CBLB: variants seen among roughly 807,000 people sequenced by gnomAD.
The protein encoded by CBLB is Cbl proto-oncogene B.
In CBLB, 31 loss-of-function variants were observed where a neutral mutation model predicts 104.9. The ratio of observed to expected loss-of-function variants is 0.30; its 90% CI spans 0.22 to 0.40. CBLB has a LOEUF of 0.40. Ranked by LOEUF, CBLB falls within the 10% of genes least tolerant of loss-of-function variation. CBLB has a pLI of 1.00. For missense variants in CBLB, 1,062 were observed against 1,214.6 expected (o/e 0.87, Z 1.87); for synonymous variants, 440 against 422.6 (o/e 1.04, Z -0.51).
chr3:105,859,467 C>T (rs2091910070), intron 2 of CBLB, among the ~76,000 whole-genome samples: 1 of 152,060 alleles, frequency 6.6e-6, no homozygotes, highest in Non-Finnish European at 1.5e-5. Flanking sequence ...TTGGCTAACA[C>T]GGTGAAACCC....
intron 4 of CBLB, among the ~76,000 whole-genome samples, chr3:105,768,951 T>C (rs2078534304): frequency 6.6e-6 from 1 of 152,198 alleles, no homozygotes; most frequent in South Asian, 2.1e-4. Context: ...TTATATATAA[T>C]GAAGTCATTG....
intron 10 of CBLB, among the ~76,000 whole-genome samples, chr3:105,706,416 T>A (rs2070145344): frequency 6.6e-6 from 1 of 152,160 alleles, no homozygotes; most frequent in East Asian, 1.9e-4. Flanking sequence ...ATAAAGAATC[T>A]CTATAGTCAC....
At chr3:105,822,434 C>G (rs1405673199) in intron 3 of CBLB, among the ~76,000 whole-genome samples, 1 of 152,082 alleles carries the variant, frequency 6.6e-6, no homozygotes, top group Non-Finnish European at 1.5e-5. Context: ...CTAACCGGTA[C>G]TCTCTATTTT....
rs2075526162 is a variant in CBLB, at chr3:105,741,178, A to ATGTAT, written c.846-548_846-547insATACA. On this transcript the variant is annotated intron_variant, in intron 6 of 18. Transcript: ENST00000394030. ...TTCGATATATTCCTTTGTAATTTAG[A>ATGTAT]CATTAAAATTAGTTTGTTTGTTTTT... 4.0e-5 allele frequency among the ~76,000 whole-genome samples: 5 copies of ATGTAT among 126,034 alleles called. No individual in the cohort carries two copies. In the South Asian group the frequency reaches 1.4e-3, roughly 34 times the overall value. 82.7% of individuals were successfully genotyped at this position (126,034 alleles called of 152,430 possible). A position where few individuals can be genotyped will look rare whatever the true frequency, so the allele number is the denominator to read the frequency against.
At chr3:105,686,990 T>A (rs1291762603) in intron 13 of CBLB, among the ~76,000 whole-genome samples, 2 of 152,134 alleles carry the variant, frequency 1.3e-5, no homozygotes, top group Non-Finnish European at 2.9e-5. Flanking sequence ...TGCAAAATGG[T>A]GATCTGATGG....
rs34208930 is a variant in CBLB at position 105,702,476 on chromosome 3, G to GAAAAAAAA, written c.1594-25_1594-18dup. ...AGGAGAAGACTAAAGAAACAGAAGA[G>GAAAAAAAA]AAAAAAAAAAAAAAAAAAAAAAACT... On this transcript the variant is annotated splice_polypyrimidine_tract_variant and intron_variant, in intron 11 of 18. Coordinates refer to ENST00000394030, the MANE Select transcript of CBLB (RefSeq NM_170662.5). 1,223 of 278,436 alleles carry GAAAAAAAA rather than the reference G, an allele frequency of 4.4e-3. 4 individuals are homozygous for GAAAAAAAA. Among genetic ancestry groups the GAAAAAAAA allele is most frequent in the South Asian group, 0.012 (274 of 22,166 alleles). The allele number at this position is 278,436 out of a possible 1,614,324, so 17.2% of individuals were successfully genotyped here.
chr3:105,836,164 C>T (rs573763051), intron 3 of CBLB, among the ~76,000 whole-genome samples: 1 of 152,332 alleles, frequency 6.6e-6, no homozygotes, highest in African/African-American at 2.4e-5. Context: ...GGTACCACTT[C>T]TCTTAAGAAA....
chr3:105,716,607 A>G (rs567625719), intron 10 of CBLB, among the ~76,000 whole-genome samples: 55 of 152,332 alleles, frequency 3.6e-4, no homozygotes, highest in Admixed American at 1.3e-3. Context: ...ATGAAATGCT[A>G]TAAAAGTCAC....
chr3:105,868,429 T>C (rs982067408), intron 1 of CBLB: 2 of 387,658 alleles, frequency 5.2e-6, no homozygotes, highest in Non-Finnish European at 9.0e-6. Context: ...GGACAAAGTG[T>C]CCCTCCCGTG....
At chr3:105,698,818 A>G (rs997969100) in intron 12 of CBLB, among the ~76,000 whole-genome samples, 1 of 151,958 alleles carries the variant, frequency 6.6e-6, no homozygotes, top group Non-Finnish European at 1.5e-5. Flanking sequence ...AAATCAAAAT[A>G]TCTCCCCTTT....
chr3:105,688,255 G>A (rs140839020), intron 13 of CBLB, among the ~76,000 whole-genome samples: 4 of 151,964 alleles, frequency 2.6e-5, no homozygotes, highest in Non-Finnish European at 5.9e-5. Context: ...TTACATTCCC[G>A]GAGTGTTCTG....
At chr3:105,773,910 G>A (rs2152958512) in intron 4 of CBLB, among the ~76,000 whole-genome samples, 2 of 152,366 alleles carry the variant, frequency 1.3e-5, no homozygotes, top group South Asian at 4.1e-4. Flanking sequence ...TGGGCCACAA[G>A]GCAGGCAGTG....
At chr3:105,727,129 C>G (rs972513133) in intron 9 of CBLB, among the ~76,000 whole-genome samples, 1 of 152,220 alleles carries the variant, frequency 6.6e-6, no homozygotes, top group Non-Finnish European at 1.5e-5. Flanking sequence ...AATCACCACA[C>G]CATCTTCCAC....
chr3:105,847,442 T>C (rs1398815328), intron 3 of CBLB, among the ~76,000 whole-genome samples: 1 of 150,660 alleles, frequency 6.6e-6, no homozygotes, highest in African/African-American at 2.4e-5. Context: ...CATTTTGTCA[T>C]TTATTTTTTC....
chr3:105,703,861 G>C (rs749155208), intron 11 of CBLB, 127 bp downstream of exon 11: 1 of 809,036 alleles, frequency 1.2e-6, no homozygotes, highest in Non-Finnish European at 2.0e-6. Flanking sequence ...TAAACTAAAC[G>C]AGAAACTCAT....
At chr3:105,752,160 T>C (rs958776282) in intron 4 of CBLB, among the ~76,000 whole-genome samples, 14 of 152,258 alleles carry the variant, frequency 9.2e-5, no homozygotes, top group African/African-American at 2.7e-4. Context: ...TATCTAACTT[T>C]TCATATTAAT....
At chr3:105,765,275 C>T (rs2078096384) in intron 4 of CBLB, among the ~76,000 whole-genome samples, 1 of 152,158 alleles carries the variant, frequency 6.6e-6, no homozygotes, top group African/African-American at 2.4e-5. Flanking sequence ...CAAACCTCAG[C>T]ATCATGCAAT....
rs1434818847 is a variant in CBLB, at chr3:105,868,676, C to A, written c.-15+60G>T. Reference sequence around the variant, plus strand: ...TCCTCCTTGGCCCGCGCCTGGCTACCCCGGGCCCCCGGGCCGGCAAGAAGT... The same window carrying A: ...TCCTCCTTGGCCCGCGCCTGGCTACACCGGGCCCCCGGGCCGGCAAGAAGT... On this transcript the variant is annotated intron_variant, in intron 1 of 18. Coordinates refer to ENST00000394030, the MANE Select transcript of CBLB (RefSeq NM_170662.5). 1.0e-5 allele frequency: 10 copies of A among 989,430 alleles called. No homozygotes were observed. In the East Asian group the frequency reaches 7.9e-4, roughly 78 times the overall value. 61.3% of individuals were successfully genotyped at this position (989,430 alleles called of 1,614,324 possible).
chr3:105,695,283 A>AT (rs745773471), intron 12 of CBLB, among the ~76,000 whole-genome samples: 1 of 151,828 alleles, frequency 6.6e-6, no homozygotes, highest in Non-Finnish European at 1.5e-5. Context: ...TTTCAGCTGT[A>AT]TTGGCTCTAA....
Sources: allele counts gnomAD v4.1 joint callset (sites outside exome capture counted in the v4.1 genomes callset), GRCh38; gene constraint gnomAD v4.1.1; transcripts MANE v1.5; gene names NCBI Gene and HGNC (gene_info 2026-07-23, HGNC 2026-07-21).